The following HS1BP3 variants were observed in gnomAD, a reference collection of about 807,000 sequenced individuals.
The protein encoded by HS1BP3 is HCLS1-binding protein 3.
In HS1BP3, 32 loss-of-function variants were observed where a neutral mutation model predicts 33.5. That is an observed-to-expected ratio of 0.95 (90% confidence interval 0.72 to 1.28). HS1BP3 has a LOEUF of 1.28. HS1BP3 is among the 50% of genes most tolerant of loss of function. The pLI, the probability that HS1BP3 is intolerant of heterozygous loss-of-function variation, is 0.00. For synonymous variants in HS1BP3, 187 were observed against 209.2 expected (o/e 0.89, Z 0.92); for missense variants, 486 against 502.3 (o/e 0.97, Z 0.31).
downstream of HS1BP3, among the ~76,000 whole-genome samples, chr2:20,589,060 C>T (rs1422669667): frequency 6.6e-6 from 1 of 152,244 alleles, no homozygotes; most frequent in African/African-American, 2.4e-5. Flanking sequence ...ATCTGGGCAT[C>T]AAACTGTCTC....
intron 4 of HS1BP3, 70 bp downstream of exon 4, chr2:20,638,366 G>A: frequency 2.1e-6 from 3 of 1,448,050 alleles, no homozygotes; most frequent in Non-Finnish European, 1.9e-6. Context: ...CAGATTCCAG[G>A]GAAGGGGGAC....
At chr2:20,630,700 GAGGAC>G (rs1200657000) in intron 4 of HS1BP3, among the ~76,000 whole-genome samples, 2 of 152,240 alleles carry the variant, frequency 1.3e-5, no homozygotes, top group Non-Finnish European at 2.9e-5. Context: ...AGAATCACCT[GAGGAC>G]AGGCACTAAC....
intron 5 of HS1BP3, among the ~76,000 whole-genome samples, chr2:20,564,930 C>T (rs1013275504): frequency 3.9e-5 from 6 of 152,198 alleles, no homozygotes; most frequent in Admixed American, 1.3e-4. Context: ...ATCAGCCTCC[C>T]TTGGTCACTT....
intron 5 of HS1BP3, among the ~76,000 whole-genome samples, chr2:20,572,524 TTTTG>T (rs1693298887): frequency 6.6e-6 from 1 of 152,176 alleles, no homozygotes; most frequent in Non-Finnish European, 1.5e-5. Context: ...TGAGTTCTTA[TTTTG>T]TTTTTTTTTC....
chr2:20,645,241 A>T, intron 2 of HS1BP3, 99 bp downstream of exon 2: 1 of 1,227,986 alleles, frequency 8.1e-7, no homozygotes, highest in Non-Finnish European at 1.1e-6. Context: ...ACAGAGAAGC[A>T]CTTGCTCTGG....
At chr2:20,570,653 A>G (rs1196971834) in intron 5 of HS1BP3, among the ~76,000 whole-genome samples, 1 of 152,232 alleles carries the variant, frequency 6.6e-6, no homozygotes. Flanking sequence ...CCAGGCTGAC[A>G]GAGCAAGAGG....
chr2:20,603,212 A>C (rs550191551), intron 2 of HS1BP3, among the ~76,000 whole-genome samples: 1 of 152,360 alleles, frequency 6.6e-6, no homozygotes, highest in East Asian at 1.9e-4. Flanking sequence ...ATAATCCAGC[A>C]ATTCTACTGT....
chr2:20,572,340 A>G (rs566108871), intron 5 of HS1BP3, among the ~76,000 whole-genome samples: 1 of 152,330 alleles, frequency 6.6e-6, no homozygotes, highest in Admixed American at 6.5e-5. Flanking sequence ...CTGATGACAC[A>G]GGCTATGGGG....
chr2:20,622,964 G>C (rs560391472), intron 6 of HS1BP3: 1 of 153,312 alleles, frequency 6.5e-6, no homozygotes, highest in African/African-American at 2.4e-5. Context: ...ACAGATGACA[G>C]CCTCCAGGGC....
intron 1 of HS1BP3, among the ~76,000 whole-genome samples, chr2:20,648,979 A>C (rs982432571): frequency 1.3e-5 from 2 of 151,848 alleles, no homozygotes; most frequent in Non-Finnish European, 2.9e-5. Flanking sequence ...TATATCGAGA[A>C]CCCAAACATT....
In HS1BP3 at chr2:20,570,046, G is replaced by A. The variant is rs183601571; in HGVS notation, c.303-9531C>T. Among the ~76,000 whole-genome samples, 3 of 152,158 alleles carry A rather than the reference G, an allele frequency of 2.0e-5. No individual in the cohort carries two copies. In the East Asian group the frequency reaches 5.8e-4, roughly 29 times the overall value. ...ACCGAACATTGATCCTTTATGCAAC[G>A]GGCTGCACCTGGCTCCCACCTGAAT... On this transcript the variant is annotated intron_variant, in intron 5 of 5. Transcript: ENST00000446825.
At chr2:20,595,582 C>T (rs1051304213) in intron 3 of HS1BP3, among the ~76,000 whole-genome samples, 2 of 152,236 alleles carry the variant, frequency 1.3e-5, no homozygotes, top group Admixed American at 1.3e-4. Context: ...TGCCTGCCTG[C>T]CTGACTCTCT....
chr2:20,554,584 G>T, the HS1BP3 span, among the ~76,000 whole-genome samples: 1 of 152,052 alleles, frequency 6.6e-6, no homozygotes, highest in African/African-American at 2.4e-5. Flanking sequence ...TTGGCCGGGC[G>T]TGGTGGTGGG....
At chr2:20,639,671 G>A (rs16987937) in intron 3 of HS1BP3, among the ~76,000 whole-genome samples, 2,220 of 152,320 alleles carry the variant, frequency 0.015, 37 homozygotes, top group African/African-American at 0.044. Flanking sequence ...CATGTCATAA[G>A]CATCTTACAT....
At chr2:20,624,690 C>T (rs1373683410) in intron 5 of HS1BP3, 42 bp downstream of exon 5, 1 of 1,538,116 alleles carries the variant, frequency 6.5e-7, no homozygotes, top group Non-Finnish European at 8.8e-7. Context: ...TGGGGCTGGG[C>T]ACCGAGAGGA....
chr2:20,632,499 A>AC (rs942843901), intron 4 of HS1BP3, among the ~76,000 whole-genome samples: 3 of 152,094 alleles, frequency 2.0e-5, no homozygotes, highest in African/African-American at 7.2e-5. Context: ...CAGTCAGGAG[A>AC]CCCCCAGCTC....
chr2:20,580,660 C>G (rs1335624668), intron 5 of HS1BP3, among the ~76,000 whole-genome samples: 1 of 152,166 alleles, frequency 6.6e-6, no homozygotes, highest in Admixed American at 6.5e-5. Context: ...ATGTTGTCAA[C>G]CTCGCTAGTT....
chr2:20,643,183 C>T (rs1572363072), intron 2 of HS1BP3, among the ~76,000 whole-genome samples: 1 of 152,290 alleles, frequency 6.6e-6, no homozygotes, highest in South Asian at 2.1e-4. Flanking sequence ...CTGACAAGCC[C>T]CTGCACGCAC....
At chr2:20,601,606 C>A (rs59169527) in intron 2 of HS1BP3, among the ~76,000 whole-genome samples, 1 of 151,828 alleles carries the variant, frequency 6.6e-6, no homozygotes, top group Non-Finnish European at 1.5e-5. Context: ...ATTTTATAAA[C>A]GGAAATTTTC....
Sources: allele counts gnomAD v4.1 joint callset (sites outside exome capture counted in the v4.1 genomes callset), GRCh38; gene constraint gnomAD v4.1.1; transcripts MANE v1.5; gene names NCBI Gene and HGNC (gene_info 2026-07-23, HGNC 2026-07-21).